Variants in DEK observed in about 807,000 individuals in gnomAD.
DEK encodes the protein DEK proto-oncogene.
DEK carries 28 observed loss-of-function variants against 46.8 expected under a neutral mutation model. The ratio of observed to expected loss-of-function variants is 0.60; its 90% CI spans 0.44 to 0.82. The LOEUF (loss-of-function observed/expected upper bound fraction) is 0.82. DEK is among the 40% of genes least tolerant of loss of function. The pLI is 0.00. For missense variants in DEK, 416 were observed against 430.6 expected (o/e 0.97, Z 0.30); for synonymous variants, 160 against 144.5 (o/e 1.11, Z -0.77).
At position 18,256,480 on chromosome 6, in the gene DEK, G is replaced by A. The variant is rs1373362935; in HGVS notation, c.358-25C>T. On this transcript the variant is annotated intron_variant, in intron 4 of 10. Coordinates refer to ENST00000652689, the MANE Select transcript of DEK (RefSeq NM_003472.4). ...CCTGAAAATGTTCCTTATTATTAATGGTATTTATTACCCAGTAATGTACAC... is the reference window on the plus strand; with the variant it reads ...CCTGAAAATGTTCCTTATTATTAATAGTATTTATTACCCAGTAATGTACAC... 3.2e-6 allele frequency: 5 copies of A among 1,575,314 alleles called. No individual in the cohort carries two copies. The Admixed American group carries it at 7.0e-5, about 22-fold the overall frequency.
Position 18,233,409 on chromosome 6 carries a change from C to G in DEK, c.1047+3043G>C, listed in dbSNP as rs929593556. On this transcript the variant is annotated intron_variant, in intron 9 of 10. Coordinates refer to ENST00000652689, the MANE Select transcript of DEK (RefSeq NM_003472.4). ...CAAAAGAAACTACCATCAGAGTGAACAGGCAACCTACAGAATGGGAGAAAA... is the reference window on the plus strand; with the variant it reads ...CAAAAGAAACTACCATCAGAGTGAAGAGGCAACCTACAGAATGGGAGAAAA... 2.0e-5 allele frequency among the ~76,000 whole-genome samples: 3 copies of G among 152,174 alleles called. 1 individual carries two copies. The highest frequency in any genetic ancestry group is 6.5e-5 in the Admixed American group (1 of 15,282).
intron 8 of DEK, 162 bp downstream of exon 8, chr6:18,237,219 C>T: frequency 3.9e-6 from 3 of 772,856 alleles, no homozygotes; most frequent in Non-Finnish European, 5.7e-6. Flanking sequence ...GAATCACTTC[C>T]TGTCCCAAGC....
Position 18,237,635 on chromosome 6 carries a change from A to G in DEK, c.763-119T>C. ...AGAGAAAACCAATATATTTGGTATC[A>G]GCAATTAAAAATTCTTTTTGAGAGA... On this transcript the variant is annotated intron_variant, in intron 7 of 10. Transcript: ENST00000652689. 3 of 1,326,884 alleles carry G rather than the reference A, an allele frequency of 2.3e-6. No individual in the cohort carries two copies. In the South Asian group the frequency reaches 4.8e-5, roughly 21 times the overall value. The allele number at this position is 1,326,884 out of a possible 1,614,324, so 82.2% of individuals were successfully genotyped here. A position where few individuals can be genotyped will look rare whatever the true frequency, so the allele number is the denominator to read the frequency against.
At chr6:18,254,716 G>T (rs928983882) in intron 6 of DEK, among the ~76,000 whole-genome samples, 10 of 152,046 alleles carry the variant, frequency 6.6e-5, no homozygotes, top group Non-Finnish European at 1.3e-4. Flanking sequence ...AGGAAATAGT[G>T]ATCACCTTGC....
intron 9 of DEK, among the ~76,000 whole-genome samples, chr6:18,235,295 A>T (rs780110328): frequency 3.9e-4 from 59 of 152,182 alleles, no homozygotes; most frequent in Non-Finnish European, 7.9e-4. Flanking sequence ...CAAAACTCTA[A>T]TATTTTCTCC....
At chr6:18,260,985 CAAAA>C (rs780634683) in intron 2 of DEK, among the ~76,000 whole-genome samples, 3 of 78,012 alleles carry the variant, frequency 3.8e-5, no homozygotes, top group African/African-American at 5.0e-5. Context: ...ACCTTGTCTC[CAAAA>C]AAAAAAAAAA....
rs377497301 is a variant in DEK at position 18,239,361 on chromosome 6, TA to T, written c.763-1846del. On this transcript the variant is annotated intron_variant, in intron 7 of 10. Transcript: ENST00000652689. ...GTCTTTTTTTTTTTTTTTTTTTTTT[TA>T]AAAAAAAGAGATGGTCTCGCTATGT... Among the ~76,000 whole-genome samples, 166 of 120,472 alleles carry T rather than the reference TA, an allele frequency of 1.4e-3. 6 individuals are homozygous for T. The highest frequency in any genetic ancestry group is 2.2e-3 in the South Asian group (8 of 3,688). 79.0% of individuals were successfully genotyped at this position (120,472 alleles called of 152,430 possible).
intron 7 of DEK, among the ~76,000 whole-genome samples, chr6:18,237,844 C>G (rs949399366): frequency 5.4e-5 from 8 of 147,630 alleles, no homozygotes; most frequent in Non-Finnish European, 1.2e-4. Context: ...TATGTTCTCT[C>G]TCTTTCAACT....
At chr6:18,236,781 C>T (rs1790669425) in intron 8 of DEK, among the ~76,000 whole-genome samples, 181 bp from the exon 9 acceptor site, 1 of 152,106 alleles carries the variant, frequency 6.6e-6, no homozygotes, top group Admixed American at 6.6e-5. Flanking sequence ...TTTGAAAAAT[C>T]AAAAACTATA....
At chr6:18,260,004 C>A (rs189885444) in intron 2 of DEK, among the ~76,000 whole-genome samples, 2 of 152,234 alleles carry the variant, frequency 1.3e-5, no homozygotes, top group Admixed American at 1.3e-4. Context: ...AATGACTTCC[C>A]AGTCAATCTC....
At chr6:18,251,095 C>A (rs534180192) in intron 6 of DEK, among the ~76,000 whole-genome samples, 1 of 152,072 alleles carries the variant, frequency 6.6e-6, no homozygotes, top group African/African-American at 2.4e-5. Context: ...GGAAGTTTTG[C>A]TAAATTCTAA....
chr6:18,236,441 T>C lies in DEK; in HGVS notation c.1047+11A>G. The C allele has an allele frequency of 6.2e-7, 1 of 1,607,650 alleles. No individual in the cohort carries two copies. The highest frequency in any genetic ancestry group is 8.5e-7 in the Non-Finnish European group (1 of 1,178,050). On this transcript the variant is annotated intron_variant, in intron 9 of 10. Coordinates refer to ENST00000652689, the MANE Select transcript of DEK (RefSeq NM_003472.4). The stretch of plus-strand genomic sequence containing the variant: ...GCAAAAGCAAAATAATCTAAACATT[T>C]GTCTAATTACCTTTTTGCAAATCTG...
intron 6 of DEK, among the ~76,000 whole-genome samples, chr6:18,251,856 G>A (rs964067142): frequency 3.9e-5 from 6 of 152,042 alleles, no homozygotes; most frequent in Admixed American, 1.3e-4. Flanking sequence ...TATGAGGACT[G>A]AAACAGGTTC....
At chr6:18,249,911 T>A in intron 6 of DEK, 72 bp from the exon 7 acceptor site, 1 of 1,478,264 alleles carries the variant, frequency 6.8e-7, no homozygotes, top group Non-Finnish European at 9.0e-7. Context: ...TGAAAACTTA[T>A]CAACTCAATT....
rs1790059342 is a variant in DEK, at chr6:18,225,246, T to C, written c.*473A>G. ...TGGACAACTGTAGCTTGTATATTTT[T>C]AATATGATGGACACACTGCCGCTGA... On this transcript the variant is annotated 3_prime_UTR_variant, in exon 11 of 11. Coordinates refer to ENST00000652689, the MANE Select transcript of DEK (RefSeq NM_003472.4). The C allele has an allele frequency of 4.3e-6, 1 of 230,086 alleles. No individual in the cohort carries two copies. Among genetic ancestry groups the C allele is most frequent in the Non-Finnish European group, 8.6e-6 (1 of 116,260 alleles). The allele number at this position is 230,086 out of a possible 1,614,324, so 14.3% of individuals were successfully genotyped here.
chr6:18,245,389 A>ATGCTTT, intron 7 of DEK, among the ~76,000 whole-genome samples: 6 of 151,266 alleles, frequency 4.0e-5, no homozygotes, highest in Non-Finnish European at 8.9e-5. Context: ...TGAAAGAAAA[A>ATGCTTT]TAAACTCCTG....
At chr6:18,236,977 A>G (rs1790679366) in intron 8 of DEK, 1 of 190,898 alleles carries the variant, frequency 5.2e-6, no homozygotes, top group African/African-American at 2.4e-5. Context: ...CTGTAAACCC[A>G]GTGCTCTGGG....
chr6:18,235,968 T>C (rs1790629964), intron 9 of DEK, among the ~76,000 whole-genome samples: 1 of 152,198 alleles, frequency 6.6e-6, no homozygotes, highest in African/African-American at 2.4e-5. Flanking sequence ...TTCCATAGAA[T>C]CCCTATGGAA....
chr6:18,264,265 G>A (rs1158514601), intron 1 of DEK, 120 bp downstream of exon 1: 4 of 218,732 alleles, frequency 1.8e-5, no homozygotes, highest in Non-Finnish European at 3.6e-5. Flanking sequence ...GGCCCGGCCC[G>A]AGCTGCCGGC....
Sources: gnomAD v4.1 joint callset for allele counts (sites outside exome capture counted in the v4.1 genomes callset) on GRCh38, gnomAD v4.1.1 for gene constraint, MANE v1.5 for transcripts, NCBI Gene and HGNC (gene_info 2026-07-23, HGNC 2026-07-21) for gene names.